Variants in BAIAP2L1 observed in about 807,000 individuals in gnomAD.
The protein encoded by BAIAP2L1 is BAR/IMD domain-containing adapter protein 2-like 1.
In BAIAP2L1, 35 loss-of-function variants were observed where a neutral mutation model predicts 66.3. The ratio of observed to expected loss-of-function variants is 0.53; its 90% CI spans 0.40 to 0.70. BAIAP2L1 has a LOEUF of 0.70. Ranked by LOEUF, BAIAP2L1 falls within the 30% of genes least tolerant of loss-of-function variation. The probability of loss-of-function intolerance (pLI) is 0.00; values close to 1 mark genes in which losing one functional copy is unlikely to be tolerated. For synonymous variants in BAIAP2L1, 269 were observed against 248.7 expected, an observed-to-expected ratio of 1.08 and a Z score of -0.77; for missense variants, 622 against 656.9, an observed-to-expected ratio of 0.95 and a Z score of 0.58.
intron 2 of BAIAP2L1, among the ~76,000 whole-genome samples, chr7:98,360,956 C>T (rs922039504): frequency 1.3e-5 from 2 of 152,172 alleles, no homozygotes; most frequent in African/African-American, 4.8e-5. Context: ...CACCCAGAGT[C>T]CACAGTCTAG....
intron 1 of BAIAP2L1, among the ~76,000 whole-genome samples, chr7:98,365,605 C>A (rs932591583): frequency 6.6e-6 from 1 of 151,932 alleles, no homozygotes; most frequent in African/African-American, 2.4e-5. Flanking sequence ...CAAGTAGCTG[C>A]GGGGGGTGGA....
intron 3 of BAIAP2L1, 45 bp downstream of exon 3, chr7:98,354,997 C>A: frequency 2.1e-6 from 3 of 1,447,292 alleles, no homozygotes. Flanking sequence ...TTGGGGTTCA[C>A]AGGATGACAA....
chr7:98,329,880 T>A (rs1355919751), intron 3 of BAIAP2L1, among the ~76,000 whole-genome samples: 1 of 152,070 alleles, frequency 6.6e-6, no homozygotes, highest in East Asian at 1.9e-4. Flanking sequence ...ATAATATCTG[T>A]GGATTACAGC....
intron 12 of BAIAP2L1, among the ~76,000 whole-genome samples, chr7:98,295,159 A>G (rs1347403499): frequency 1.3e-5 from 2 of 152,236 alleles, no homozygotes; most frequent in Non-Finnish European, 2.9e-5. Flanking sequence ...TGCCAGCGCT[A>G]GAGCGCAGGC....
At chr7:98,351,982 A>G (rs1802010653) in intron 3 of BAIAP2L1, among the ~76,000 whole-genome samples, 1 of 152,232 alleles carries the variant, frequency 6.6e-6, no homozygotes, top group Non-Finnish European at 1.5e-5. Context: ...TGAGAGTTAT[A>G]AAGTTTCATG....
chr7:98,363,664 T>C (rs1344196230), intron 1 of BAIAP2L1, among the ~76,000 whole-genome samples: 1 of 152,202 alleles, frequency 6.6e-6, no homozygotes, highest in Non-Finnish European at 1.5e-5. Flanking sequence ...GCGATTGTTA[T>C]GTGTTTGTTC....
In BAIAP2L1 at chr7:98,293,009, A is replaced by G; in HGVS notation, c.*512T>C. 1 of 1,091,940 alleles carries G rather than the reference A, an allele frequency of 9.2e-7. No homozygotes were observed. Among genetic ancestry groups the G allele is most frequent in the Non-Finnish European group, 1.1e-6 (1 of 888,660 alleles). The allele number at this position is 1,091,940 out of a possible 1,614,324, so 67.6% of individuals were successfully genotyped here. Reference sequence around the variant, plus strand: ...GGAAGCTCTACACTTAAACATTTTAAGTTAAATTACATTTATATAGTATTT... The same window carrying G: ...GGAAGCTCTACACTTAAACATTTTAGGTTAAATTACATTTATATAGTATTT... On this transcript the variant is annotated 3_prime_UTR_variant, in exon 14 of 14. Coordinates refer to ENST00000005260, the MANE Select transcript of BAIAP2L1 (RefSeq NM_018842.5).
chr7:98,388,041 TAAAC>T (rs1248377006), intron 1 of BAIAP2L1, among the ~76,000 whole-genome samples: 1 of 151,912 alleles, frequency 6.6e-6, no homozygotes, highest in Admixed American at 6.6e-5. Flanking sequence ...AGGCAGGTAA[TAAAC>T]AGATGAAAAT....
intron 1 of BAIAP2L1, among the ~76,000 whole-genome samples, chr7:98,373,348 T>C (rs1297093631): frequency 6.6e-6 from 1 of 152,190 alleles, no homozygotes; most frequent in Non-Finnish European, 1.5e-5. Flanking sequence ...CCCACAAAAA[T>C]GCTTTTTGTT....
rs570148452 is a variant in BAIAP2L1 at position 98,384,927 on chromosome 7, G to A, written c.51+15875C>T. Among the ~76,000 whole-genome samples, 21 of 152,152 alleles carry A rather than the reference G, an allele frequency of 1.4e-4. No individual in the cohort carries two copies. In the East Asian group the frequency reaches 2.3e-3, roughly 17 times the overall value. On this transcript the variant is annotated intron_variant, in intron 1 of 13. Transcript: ENST00000005260. ...TTGGCCAGGCTGGTGCTGAACTCCC[G>A]AACTCAGGTGATCCAACCACCTTGG...
chr7:98,311,130 A>AT (rs1311907748), intron 8 of BAIAP2L1, among the ~76,000 whole-genome samples: 7 of 151,974 alleles, frequency 4.6e-5, no homozygotes, highest in African/African-American at 7.3e-5. Flanking sequence ...TTTGATGCCT[A>AT]TTTTTTTTCC....
In BAIAP2L1 at chr7:98,302,360, G is replaced by A. The variant is rs143063818; in HGVS notation, c.1422+1836C>T. Among the ~76,000 whole-genome samples the A allele has an allele frequency of 2.6e-5, 4 of 152,282 alleles. No individual in the cohort carries two copies. In the East Asian group the frequency reaches 7.7e-4, roughly 29 times the overall value. On this transcript the variant is annotated intron_variant, in intron 12 of 13. Transcript: ENST00000005260. ...TACAATGCCAGAGCTGTGATTTTTG[G>A]GGGCAAGATTCTTTTACCTTAAAAG...
intron 2 of BAIAP2L1, among the ~76,000 whole-genome samples, chr7:98,361,393 TAAG>T (rs1802268853): frequency 6.6e-6 from 1 of 151,056 alleles, no homozygotes; most frequent in African/African-American, 2.4e-5. Context: ...AAAGAAGAGA[TAAG>T]AAGATGTAAA....
intron 1 of BAIAP2L1, among the ~76,000 whole-genome samples, chr7:98,382,654 ATGTT>A (rs1291741139): frequency 6.6e-6 from 1 of 152,182 alleles, no homozygotes; most frequent in East Asian, 1.9e-4. Flanking sequence ...CTATATAGTT[ATGTT>A]TATTTCTTGG....
intron 1 of BAIAP2L1, among the ~76,000 whole-genome samples, chr7:98,365,031 C>A (rs899681360): frequency 7.4e-6 from 1 of 135,508 alleles, no homozygotes; most frequent in Non-Finnish European, 1.6e-5. Context: ...AGCTATTACT[C>A]CACTGTCTTT....
chr7:98,350,039 C>G (rs1251448654), intron 3 of BAIAP2L1, among the ~76,000 whole-genome samples: 2 of 151,674 alleles, frequency 1.3e-5, no homozygotes, highest in East Asian at 3.9e-4. Context: ...ATGGCTTGAG[C>G]CCAGAAGATC....
intron 12 of BAIAP2L1, among the ~76,000 whole-genome samples, chr7:98,303,179 A>G (rs1800496281): frequency 6.6e-6 from 1 of 152,058 alleles, no homozygotes; most frequent in African/African-American, 2.4e-5. Context: ...ACGTTCCCAG[A>G]CTCCTCAAGG....
Position 98,334,624 on chromosome 7 carries a change from A to T in BAIAP2L1, c.215-14326T>A, listed in dbSNP as rs183236494. On this transcript the variant is annotated intron_variant, in intron 3 of 13. Coordinates refer to ENST00000005260, the MANE Select transcript of BAIAP2L1 (RefSeq NM_018842.5). The stretch of plus-strand genomic sequence containing the variant: ...CAGTGGCACGACCTCGGCTCACTGC[A>T]ACCTCTGCCTCCTAGGTTCGAGCAA... 3.3e-3 allele frequency among the ~76,000 whole-genome samples: 495 copies of T among 151,998 alleles called. 1 individual carries two copies. The highest frequency in any genetic ancestry group is 0.011 in the African/African-American group (463 of 41,500).
At chr7:98,335,804 C>T (rs1433792488) in intron 3 of BAIAP2L1, among the ~76,000 whole-genome samples, 2 of 152,152 alleles carry the variant, frequency 1.3e-5, no homozygotes, top group South Asian at 4.1e-4. Flanking sequence ...CAGCTTCAGT[C>T]CCATTCTTGA....
Sources: gnomAD v4.1 joint callset for allele counts (sites outside exome capture counted in the v4.1 genomes callset) on GRCh38, gnomAD v4.1.1 for gene constraint, MANE v1.5 for transcripts, NCBI Gene and HGNC (gene_info 2026-07-23, HGNC 2026-07-21) for gene names.